Variants in KIF13A observed in about 807,000 individuals in gnomAD.
KIF13A encodes kinesin family member 13A.
In KIF13A, 79 loss-of-function variants were observed where a neutral mutation model predicts 212.2. That is an observed-to-expected ratio of 0.37 (90% CI 0.31 to 0.45). KIF13A has a LOEUF of 0.45. Ranked by LOEUF, KIF13A falls within the 20% of genes least tolerant of loss-of-function variation. The pLI, the probability that KIF13A is intolerant of heterozygous loss-of-function variation, is 1.00. For synonymous variants in KIF13A, 789 were observed against 808.6 expected (o/e 0.98, Z 0.41); for missense variants, 1,901 against 2,209.0 (o/e 0.86, Z 2.79).
chr6:17,943,853 C>T (rs555952890), intron 2 of KIF13A, among the ~76,000 whole-genome samples: 35 of 152,232 alleles, frequency 2.3e-4, no homozygotes, highest in African/African-American at 6.5e-4. Context: ...CATCAGTTGA[C>T]TTATGTCATA....
chr6:17,770,973 T>C (rs1759442560), intron 38 of KIF13A, 141 bp downstream of exon 38: 2 of 605,314 alleles, frequency 3.3e-6, no homozygotes, highest in Admixed American at 3.2e-5. Flanking sequence ...CAAAATATCA[T>C]TACCAATGGT....
At chr6:17,889,873 G>A (rs766474702) in intron 3 of KIF13A, among the ~76,000 whole-genome samples, 2 of 152,068 alleles carry the variant, frequency 1.3e-5, no homozygotes, top group Non-Finnish European at 2.9e-5. Flanking sequence ...CTCTCTTAGC[G>A]CCAGGCATTG....
chr6:17,972,184 T>C (rs1581906485), intron 2 of KIF13A, among the ~76,000 whole-genome samples: 1 of 152,238 alleles, frequency 6.6e-6, no homozygotes, highest in African/African-American at 2.4e-5. Flanking sequence ...ACCGTTATCT[T>C]GATAAACCTT....
chr6:17,821,973 CTG>C (rs1217955618), intron 16 of KIF13A: 23 of 1,511,122 alleles, frequency 1.5e-5, no homozygotes, highest in Middle Eastern at 3.6e-4. Context: ...GCATCAGAGA[CTG>C]TGTGTATGCC....
In KIF13A at chr6:17,900,965, C is replaced by T. The variant is rs9367973; in HGVS notation, c.147-2785G>A. Among the ~76,000 whole-genome samples the T allele has an allele frequency of 2.6e-5, 4 of 151,510 alleles. No homozygotes were observed. In the South Asian group the frequency reaches 8.4e-4, roughly 32 times the overall value. ...TGGTGGCGGGTGCCTGTAGTCCCAGCTACTTGGGAGGCTGAGGCAGGAGAA... is the reference window on the plus strand; with the variant it reads ...TGGTGGCGGGTGCCTGTAGTCCCAGTTACTTGGGAGGCTGAGGCAGGAGAA... On this transcript the variant is annotated intron_variant, in intron 2 of 38. Coordinates refer to ENST00000259711, the MANE Select transcript of KIF13A (RefSeq NM_022113.6). The surrounding 1 kb of genome is among the most constrained non-coding windows in gnomAD (Gnocchi z 4.6).
intron 2 of KIF13A, among the ~76,000 whole-genome samples, chr6:17,901,392 C>T (rs1412769443): frequency 1.3e-5 from 2 of 152,078 alleles, no homozygotes; most frequent in Admixed American, 6.5e-5. Flanking sequence ...ATCTTCATCG[C>T]TTTCATATAT....
At chr6:17,791,561 T>A (rs1761556417) in intron 25 of KIF13A, among the ~76,000 whole-genome samples, 1 of 152,132 alleles carries the variant, frequency 6.6e-6, no homozygotes, top group Non-Finnish European at 1.5e-5. Context: ...AGTTTACAAT[T>A]TGACAAAAAT....
At position 17,849,529 on chromosome 6, in the gene KIF13A, A is replaced by G. The variant is rs375513286; in HGVS notation, c.718-40T>C. 1,370 of 1,440,316 alleles carry G rather than the reference A, an allele frequency of 9.5e-4. 2 individuals carry two copies. Among genetic ancestry groups the G allele is most frequent in the Non-Finnish European group, 1.1e-3 (1,130 of 1,030,862 alleles). The allele number at this position is 1,440,316 out of a possible 1,614,324, so 89.2% of individuals were successfully genotyped here. The stretch of plus-strand genomic sequence containing the variant: ...CGAGAGAGAGAAGAAAAACTTATCA[A>G]TAAAAACCACATGGATATCTACATA... On this transcript the variant is annotated intron_variant, in intron 8 of 38. Transcript: ENST00000259711. The surrounding 1 kb of genome is among the most constrained non-coding windows in gnomAD (Gnocchi z 5.7).
At chr6:17,941,498 A>G (rs1776951505) in intron 2 of KIF13A, among the ~76,000 whole-genome samples, 1 of 152,172 alleles carries the variant, frequency 6.6e-6, no homozygotes, top group African/African-American at 2.4e-5. Context: ...AGTTAAAATG[A>G]TGTCATTACA....
At chr6:17,865,649 T>C (rs1769293586) in intron 4 of KIF13A, among the ~76,000 whole-genome samples, 1 of 152,228 alleles carries the variant, frequency 6.6e-6, no homozygotes, top group Non-Finnish European at 1.5e-5. Flanking sequence ...TGGTTTAAGT[T>C]AAATGACCAA....
chr6:17,934,865 G>A lies in KIF13A; in HGVS notation c.147-36685C>T, dbSNP rs1245939004. ...ATATGGCCACCATCTAATGTAAAAT[G>A]TGACTCAATTTTCACTAGTAATAAC... On this transcript the variant is annotated intron_variant, in intron 2 of 38. Coordinates refer to ENST00000259711, the MANE Select transcript of KIF13A (RefSeq NM_022113.6). The surrounding 1 kb of genome is among the most constrained non-coding windows in gnomAD (Gnocchi z 5.4). Among the ~76,000 whole-genome samples, 3 of 151,614 alleles carry A rather than the reference G, an allele frequency of 2.0e-5. No individual in the cohort carries two copies. Among genetic ancestry groups the A allele is most frequent in the Admixed American group, 2.0e-4 (3 of 15,218 alleles).
At chr6:17,927,415 A>C (rs1775580097) in intron 2 of KIF13A, among the ~76,000 whole-genome samples, 1 of 152,236 alleles carries the variant, frequency 6.6e-6, no homozygotes, top group African/African-American at 2.4e-5. Context: ...ACAAAAGGAT[A>C]AACACTGTAT....
chr6:17,901,961 C>A (rs1554112782), intron 2 of KIF13A, among the ~76,000 whole-genome samples: 1 of 152,164 alleles, frequency 6.6e-6, no homozygotes, highest in Non-Finnish European at 1.5e-5. Context: ...CACGCCACTG[C>A]ACTCCTGCCT....
rs1189599840 is a variant in KIF13A at position 17,816,428 on chromosome 6, C to A, written c.2000+592G>T. ...ATGTTGCTCAGGCTGGTCTTAAACT[C>A]CTGGGCTCAAGCGATCCTCCCAGTG... On this transcript the variant is annotated intron_variant, in intron 17 of 38. Coordinates refer to ENST00000259711, the MANE Select transcript of KIF13A (RefSeq NM_022113.6). The surrounding 1 kb of genome is among the most constrained non-coding windows in gnomAD (Gnocchi z 4.3). Among the ~76,000 whole-genome samples, 1 of 152,120 alleles carries A rather than the reference C, an allele frequency of 6.6e-6. No individual in the cohort carries two copies. The highest frequency in any genetic ancestry group is 1.5e-5 in the Non-Finnish European group (1 of 68,012).
chr6:17,793,549 TAAC>T (rs1316736394), intron 25 of KIF13A, among the ~76,000 whole-genome samples: 1 of 152,000 alleles, frequency 6.6e-6, no homozygotes, highest in Non-Finnish European at 1.5e-5. Flanking sequence ...GGACAAATTT[TAAC>T]AAAAAAAGAA....
In KIF13A at chr6:17,777,817, T is replaced by C. The variant is rs4394208; in HGVS notation, c.4093-463A>G. 0.91 allele frequency among the ~76,000 whole-genome samples: 139,226 copies of C among 152,250 alleles called. 63,757 individuals are homozygous for C. The highest frequency in any genetic ancestry group is 0.99 in the East Asian group (5,155 of 5,188). Reference sequence around the variant, plus strand: ...TATTTTACCCACTTATTATTATTTGTTTAGCAATTTATCAAAAATATTTTT... The same window carrying C: ...TATTTTACCCACTTATTATTATTTGCTTAGCAATTTATCAAAAATATTTTT... On this transcript the variant is annotated intron_variant, in intron 33 of 38. Transcript: ENST00000259711. This position sits in a 1 kb window ranked among gnomAD's most constrained non-coding sequence, Gnocchi z 4.4.
chr6:17,821,699 TG>T (rs1562017151), intron 16 of KIF13A: 8 of 1,411,678 alleles, frequency 5.7e-6, no homozygotes, highest in Non-Finnish European at 7.5e-6. Flanking sequence ...GTTAGATTTT[TG>T]CCAAAGCATG....
At chr6:17,860,276 C>T (rs1262855695) in intron 4 of KIF13A, among the ~76,000 whole-genome samples, 2 of 152,038 alleles carry the variant, frequency 1.3e-5, no homozygotes, top group African/African-American at 2.4e-5. Context: ...GCAACCTCTG[C>T]CATCTGGGTT....
chr6:17,847,167 T>C (rs1445757483), intron 9 of KIF13A, among the ~76,000 whole-genome samples: 1 of 152,208 alleles, frequency 6.6e-6, no homozygotes, highest in African/African-American at 2.4e-5. Flanking sequence ...GACTTTCTAG[T>C]GTGATCCCAC....
Sources: gnomAD v4.1 joint callset for allele counts (sites outside exome capture counted in the v4.1 genomes callset) on GRCh38, gnomAD v4.1.1 for gene constraint, Gnocchi (gnomAD v3.1) non-coding constraint, MANE v1.5 for transcripts, NCBI Gene and HGNC (gene_info 2026-07-23, HGNC 2026-07-21) for gene names.